The following WASL variants were observed in gnomAD, a reference collection of about 807,000 sequenced individuals.
The protein encoded by WASL is WASP like actin nucleation promoting factor.
WASL carries 20 observed loss-of-function variants against 55.5 expected under a neutral mutation model. The ratio of observed to expected loss-of-function variants is 0.36; its 90% confidence interval spans 0.25 to 0.52. WASL has a LOEUF of 0.52. WASL is among the 20% of genes least tolerant of loss of function. WASL has a pLI of 0.92. For synonymous variants in WASL, 249 were observed against 217.6 expected, an observed-to-expected ratio of 1.14 and a Z score of -1.27; for missense variants, 504 against 622.5, an observed-to-expected ratio of 0.81 and a Z score of 2.03.
rs746657002 is a variant in WASL at position 123,689,129 on chromosome 7, T to C, written c.1369A>G (p.Thr457Ala). Residue 457 changes from threonine to alanine, a missense_variant, in exon 10 of 11, where the codon ACA (threonine) becomes GCA (alanine). Physicochemically the swap from Thr to Ala is moderately conservative, Grantham distance 58. This residue lies in a region of WASL where 53 missense variants were observed against 69.1 expected (regional missense o/e 0.77). Transcript: ENST00000223023. ...LKSVADGQES[T>A]PPTPAPTSGI... ...GAAGTGGGTGCAGGTGTTGGTGGTG[T>C]AGACTCTTGGCCATCAGCCACCTTG... The C allele has an allele frequency of 3.1e-6, 5 of 1,613,790 alleles. No individual in the cohort carries two copies. The Admixed American group carries it at 6.7e-5, about 22-fold the overall frequency.
intron 1 of WASL, among the ~76,000 whole-genome samples, chr7:123,709,807 AG>A (rs1437593251): frequency 6.6e-6 from 1 of 152,204 alleles, no homozygotes; most frequent in Non-Finnish European, 1.5e-5. Context: ...CCTGGAAGGC[AG>A]ATTATAGTAT....
intron 1 of WASL, among the ~76,000 whole-genome samples, chr7:123,741,856 T>C (rs1228910579): frequency 2.0e-5 from 3 of 152,196 alleles, no homozygotes; most frequent in Non-Finnish European, 4.4e-5. Context: ...CCTCTGTACT[T>C]TGGCCAACGC....
intron 10 of WASL, among the ~76,000 whole-genome samples, chr7:123,688,686 G>T (rs545319801): frequency 6.6e-6 from 1 of 152,210 alleles, no homozygotes; most frequent in African/African-American, 2.4e-5. Context: ...TCACAGTAAT[G>T]TCACAGGAAT....
chr7:123,719,862 G>C (rs531292457), intron 1 of WASL, among the ~76,000 whole-genome samples: 1 of 152,266 alleles, frequency 6.6e-6, no homozygotes, highest in African/African-American at 2.4e-5. Flanking sequence ...ATAGTCACTA[G>C]TCACTGCTCA....
Position 123,709,207 on chromosome 7 carries a change from A to G in WASL, c.134T>C (p.Val45Ala). ...CCGATCTGCTGCATATAACTGCACC[A>G]CTGCTGAAGACATAGTCTGCAAAAT... ...GKKCVTMSSA[V>A]VQLYAADRNC... The change falls in exon 2 of 11, where the codon GTG (valine) becomes GCG (alanine). Residue 45 changes from valine (V) to alanine (A), a missense_variant. Val to Ala is a moderately conservative substitution (Grantham distance 64). This residue lies in a region of WASL where 230 missense variants were observed against 271.9 expected (regional missense o/e 0.85). Transcript: ENST00000223023. 6.2e-7 allele frequency: 1 copy of G among 1,606,204 alleles called. No homozygotes were observed. Among genetic ancestry groups the G allele is most frequent in the Non-Finnish European group, 8.5e-7 (1 of 1,176,014 alleles).
intron 1 of WASL, among the ~76,000 whole-genome samples, chr7:123,712,926 A>C (rs573035492): frequency 6.6e-5 from 10 of 152,328 alleles, no homozygotes; most frequent in African/African-American, 2.4e-4. Flanking sequence ...GGTCAGAATA[A>C]GAATTTTAGA....
chr7:123,716,694 A>G (rs1365349228), intron 1 of WASL, among the ~76,000 whole-genome samples: 1 of 151,944 alleles, frequency 6.6e-6, no homozygotes, highest in African/African-American at 2.4e-5. Flanking sequence ...GAAGGGGGAG[A>G]GAAAGAGAGA....
chr7:123,694,872 CA>C lies in WASL; in HGVS notation c.673-5del. 6.3e-7 allele frequency: 1 copy of C among 1,599,072 alleles called. No homozygotes were observed. The highest frequency in any genetic ancestry group is 8.5e-7 in the Non-Finnish European group (1 of 1,175,912). ...ATTCTGGATCCAAATTATTCAGCTA[CA>C]AAAGAAAGTAACTGCTAACTATAAA... On this transcript the variant is annotated splice_polypyrimidine_tract_variant and splice_region_variant and intron_variant, in intron 7 of 10. Coordinates refer to ENST00000223023, the MANE Select transcript of WASL (RefSeq NM_003941.4).
At chr7:123,711,018 CA>C (rs1475783291) in intron 1 of WASL, among the ~76,000 whole-genome samples, 2 of 152,118 alleles carry the variant, frequency 1.3e-5, no homozygotes, top group African/African-American at 4.8e-5. Flanking sequence ...ATGGTGCTGT[CA>C]AAATACATTC....
In WASL at chr7:123,724,607, C is replaced by T. The variant is rs554766992; in HGVS notation, c.118-15384G>A. On this transcript the variant is annotated intron_variant, in intron 1 of 10. Transcript: ENST00000223023. ...CTGTTATTACCTTTAGCCTCCAACACAGTATTTTATATGCGTTTTGCATTT... is the reference window on the plus strand; with the variant it reads ...CTGTTATTACCTTTAGCCTCCAACATAGTATTTTATATGCGTTTTGCATTT... Among the ~76,000 whole-genome samples, 18 of 152,238 alleles carry T rather than the reference C, an allele frequency of 1.2e-4. No individual in the cohort carries two copies. In the South Asian group the frequency reaches 3.7e-3, roughly 32 times the overall value.
At chr7:123,713,694 G>A (rs1188733996) in intron 1 of WASL, among the ~76,000 whole-genome samples, 2 of 152,090 alleles carry the variant, frequency 1.3e-5, no homozygotes, top group Non-Finnish European at 2.9e-5. Flanking sequence ...TACATTCCTA[G>A]ATGCTCTGAT....
intron 1 of WASL, among the ~76,000 whole-genome samples, chr7:123,714,222 G>T (rs1803802184): frequency 6.6e-6 from 1 of 152,070 alleles, no homozygotes; most frequent in Non-Finnish European, 1.5e-5. Flanking sequence ...GTATCTGGCA[G>T]GGAACAACAA....
intron 1 of WASL, among the ~76,000 whole-genome samples, chr7:123,712,059 G>T (rs560799527): frequency 6.6e-6 from 1 of 152,170 alleles, no homozygotes; most frequent in East Asian, 1.9e-4. Context: ...CTTCTGCCTG[G>T]GACTTCCACC....
chr7:123,733,478 A>G (rs1380593524), intron 1 of WASL, among the ~76,000 whole-genome samples: 2 of 152,180 alleles, frequency 1.3e-5, no homozygotes, highest in Non-Finnish European at 2.9e-5. Flanking sequence ...ATTTTGATGA[A>G]AGAAATCAAA....
chr7:123,693,791 C>A (rs1045445713), intron 8 of WASL, among the ~76,000 whole-genome samples: 5 of 152,134 alleles, frequency 3.3e-5, no homozygotes, highest in African/African-American at 1.2e-4. Flanking sequence ...CATGGAAAAA[C>A]CCCGTTTCTA....
In WASL at chr7:123,717,931, C is replaced by T. The variant is rs1266004713; in HGVS notation, c.118-8708G>A. Reference sequence around the variant, plus strand: ...AAAAAACTTTATTTATAAAAACAAGCAGGCTGAATTTGGTCCATGGTTGGT... The same window carrying T: ...AAAAAACTTTATTTATAAAAACAAGTAGGCTGAATTTGGTCCATGGTTGGT... On this transcript the variant is annotated intron_variant, in intron 1 of 10. Coordinates refer to ENST00000223023, the MANE Select transcript of WASL (RefSeq NM_003941.4). Among the ~76,000 whole-genome samples the T allele has an allele frequency of 2.0e-5, 3 of 152,166 alleles. No individual in the cohort carries two copies. In the East Asian group the frequency reaches 5.8e-4, roughly 29 times the overall value.
intron 6 of WASL, 133 bp downstream of exon 6, chr7:123,696,446 T>C (rs989909530): frequency 8.9e-6 from 7 of 782,722 alleles, no homozygotes; most frequent in Middle Eastern, 4.2e-4. Context: ...AAGTACATAG[T>C]TAAAACGGTA....
chr7:123,726,884 T>C (rs1301607407), intron 1 of WASL, among the ~76,000 whole-genome samples: 1 of 151,704 alleles, frequency 6.6e-6, no homozygotes, highest in Non-Finnish European at 1.5e-5. Context: ...ATAATAATAA[T>C]AATTAGGCAA....
At chr7:123,695,417 CA>C (rs1171412327) in intron 7 of WASL, among the ~76,000 whole-genome samples, 1 of 152,070 alleles carries the variant, frequency 6.6e-6, no homozygotes, top group African/African-American at 2.4e-5. Flanking sequence ...TGCTATAAAA[CA>C]ACGGCAAAAC....
Sources: gnomAD v4.1 joint callset for allele counts (sites outside exome capture counted in the v4.1 genomes callset) on GRCh38, gnomAD v4.1.1 for gene constraint, gnomAD v4.1.1 regional missense constraint, MANE v1.5 for transcripts, NCBI Gene and HGNC (gene_info 2026-07-23, HGNC 2026-07-21) for gene names.